CACNA2D3: variants seen among roughly 807,000 people sequenced by gnomAD.
CACNA2D3 encodes voltage-dependent calcium channel subunit alpha-2/delta-3.
Under a neutral mutation model 160.6 loss-of-function variants are expected in CACNA2D3, and 60 were observed. The observed-to-expected ratio is 0.37, with a 90% CI of 0.30 to 0.46. The LOEUF is 0.46. Among genes scored for constraint, CACNA2D3 ranks in the 20% least tolerant of loss-of-function variants. The probability of loss-of-function intolerance (pLI) is 1.00; values close to 1 mark genes in which losing one functional copy is unlikely to be tolerated. For synonymous variants in CACNA2D3, 558 were observed against 492.9 expected (o/e 1.13, Z -1.75); for missense variants, 1,205 against 1,365.0 (o/e 0.88, Z 1.85).
intron 11 of CACNA2D3, among the ~76,000 whole-genome samples, chr3:54,679,345 C>A (rs1278231602): frequency 1.3e-5 from 2 of 152,192 alleles, no homozygotes; most frequent in African/African-American, 4.8e-5. Flanking sequence ...CAAGTCTACT[C>A]AAAAGCATCC....
intron 5 of CACNA2D3, among the ~76,000 whole-genome samples, chr3:54,551,458 G>T (rs1175750499): frequency 6.6e-6 from 1 of 152,116 alleles, no homozygotes; most frequent in Non-Finnish European, 1.5e-5. Flanking sequence ...ATACCCTTTG[G>T]GTGGGTTGTT....
intron 2 of CACNA2D3, among the ~76,000 whole-genome samples, chr3:54,124,865 C>T (rs1212120166): frequency 6.6e-6 from 1 of 152,156 alleles, no homozygotes; most frequent in Non-Finnish European, 1.5e-5. Context: ...TACGAAATGC[C>T]CTCGTGGAAG....
chr3:54,769,603 C>T (rs1702282318), intron 13 of CACNA2D3, among the ~76,000 whole-genome samples: 1 of 152,120 alleles, frequency 6.6e-6, no homozygotes, highest in African/African-American at 2.4e-5. Flanking sequence ...TTCCAGGGTT[C>T]ACTCTAAGGA....
At chr3:54,829,197 G>A (rs1049786311) in intron 14 of CACNA2D3, among the ~76,000 whole-genome samples, 3 of 152,166 alleles carry the variant, frequency 2.0e-5, no homozygotes, top group Admixed American at 2.0e-4. Flanking sequence ...CCTGCCCCAC[G>A]TTTCAGTGGA....
At chr3:54,830,414 G>A (rs771676359) in intron 14 of CACNA2D3, among the ~76,000 whole-genome samples, 2 of 151,398 alleles carry the variant, frequency 1.3e-5, no homozygotes, top group Non-Finnish European at 1.5e-5. Flanking sequence ...CTTCAGTTGG[G>A]TAGGTAACTA....
chr3:54,948,770 A>G (rs1262140602), intron 27 of CACNA2D3, among the ~76,000 whole-genome samples: 1 of 152,242 alleles, frequency 6.6e-6, no homozygotes, highest in Non-Finnish European at 1.5e-5. Flanking sequence ...ATCTCTATAC[A>G]TGAAGATAAT....
At chr3:54,897,936 T>G (rs142357663) in intron 26 of CACNA2D3, among the ~76,000 whole-genome samples, 1 of 152,262 alleles carries the variant, frequency 6.6e-6, no homozygotes, top group East Asian at 1.9e-4. Context: ...TCAGACTAGA[T>G]TATCTGTTAG....
At chr3:54,338,113 C>G (rs1295814959) in intron 3 of CACNA2D3, among the ~76,000 whole-genome samples, 1 of 152,236 alleles carries the variant, frequency 6.6e-6, no homozygotes, top group Non-Finnish European at 1.5e-5. Flanking sequence ...AGTTCTGAAA[C>G]TGTGCTATAA....
At chr3:54,643,517 A>G (rs879268619) in intron 11 of CACNA2D3, among the ~76,000 whole-genome samples, 3 of 152,132 alleles carry the variant, frequency 2.0e-5, no homozygotes, top group African/African-American at 4.8e-5. Context: ...GGATTCTGAG[A>G]TGTCTCCTGC....
At chr3:54,343,565 T>C (rs975127769) in intron 3 of CACNA2D3, among the ~76,000 whole-genome samples, 1 of 152,192 alleles carries the variant, frequency 6.6e-6, no homozygotes, top group Non-Finnish European at 1.5e-5. Context: ...ACTACAGGCA[T>C]GCACCACCAC....
At chr3:54,386,834 C>T (rs1280384206) in intron 4 of CACNA2D3, 60 bp downstream of exon 4, 2 of 1,410,792 alleles carry the variant, frequency 1.4e-6, no homozygotes, top group Admixed American at 2.0e-5. Context: ...GGACAAGTAC[C>T]AGGTATACCA....
At chr3:54,409,192 G>T (rs1041150673) in intron 4 of CACNA2D3, among the ~76,000 whole-genome samples, 1 of 152,088 alleles carries the variant, frequency 6.6e-6, no homozygotes, top group Non-Finnish European at 1.5e-5. Context: ...ACATGCTCAC[G>T]TCATGTCTTT....
chr3:54,848,109 A>G (rs2106777706), intron 17 of CACNA2D3, among the ~76,000 whole-genome samples: 1 of 152,358 alleles, frequency 6.6e-6, no homozygotes, highest in Middle Eastern at 3.4e-3. Context: ...CACAATGTGA[A>G]CTGGTCCCCA....
At chr3:54,997,168 TAACAA>T (rs1406154303) in intron 31 of CACNA2D3, among the ~76,000 whole-genome samples, 1 of 152,036 alleles carries the variant, frequency 6.6e-6, no homozygotes, top group Non-Finnish European at 1.5e-5. Flanking sequence ...ACTTAAAGTA[TAACAA>T]AACAAAAAAT....
intron 2 of CACNA2D3, among the ~76,000 whole-genome samples, chr3:54,271,216 G>A (rs1044808416): frequency 1.3e-5 from 2 of 152,062 alleles, no homozygotes; most frequent in Non-Finnish European, 2.9e-5. Flanking sequence ...TGGGCTCTTG[G>A]GGTCATACTG....
chr3:54,896,521 G>C, intron 25 of CACNA2D3: 1 of 525,482 alleles, frequency 1.9e-6, no homozygotes, highest in Non-Finnish European at 3.4e-6. Flanking sequence ...AGATATACAA[G>C]GAAAAATCAT....
chr3:54,208,626 C>G (rs571709992), intron 2 of CACNA2D3, among the ~76,000 whole-genome samples: 1 of 152,290 alleles, frequency 6.6e-6, no homozygotes, highest in African/African-American at 2.4e-5. Flanking sequence ...TCAGGTGTCT[C>G]TCTTCTTGAT....
At chr3:54,486,042 G>A (rs1251696894) in intron 4 of CACNA2D3, among the ~76,000 whole-genome samples, 1 of 152,196 alleles carries the variant, frequency 6.6e-6, no homozygotes, top group Non-Finnish European at 1.5e-5. Flanking sequence ...TTCCGGGCTA[G>A]TCTCTGAACA....
chr3:54,224,496 T>C (rs573689827), intron 2 of CACNA2D3, among the ~76,000 whole-genome samples: 335 of 152,294 alleles, frequency 2.2e-3, no homozygotes, highest in African/African-American at 5.1e-3. Flanking sequence ...CGCACTACAA[T>C]GTTACAACAC....
Sources: gnomAD v4.1 joint callset for allele counts (sites outside exome capture counted in the v4.1 genomes callset) on GRCh38, gnomAD v4.1.1 for gene constraint, MANE v1.5 for transcripts, NCBI Gene and HGNC (gene_info 2026-07-23, HGNC 2026-07-21) for gene names.